Variants in EEIG1 observed in about 807,000 individuals in gnomAD.
The protein encoded by EEIG1 is estrogen-induced osteoclastogenesis regulator 1.
the EEIG1 span, chr9:127,945,760 G>A: frequency 1.9e-6 from 3 of 1,539,586 alleles, no homozygotes; most frequent in South Asian, 3.6e-5. The surrounding 1 kb of genome is among the most constrained non-coding windows in gnomAD (Gnocchi z 6.5). Flanking sequence ...AGCCCTGGAA[G>A]GCAGGAAGGG....
the EEIG1 span, among the ~76,000 whole-genome samples, chr9:127,960,795 T>C: frequency 8.5e-5 from 13 of 152,100 alleles, no homozygotes; most frequent in African/African-American, 3.1e-4. Context: ...AAAAGCCACC[T>C]GGAACCCTCC....
At chr9:127,945,621 AC>A in the EEIG1 span, 6 of 1,566,176 alleles carry the variant, frequency 3.8e-6, no homozygotes, top group Non-Finnish European at 5.2e-6. The surrounding 1 kb of genome is among the most constrained non-coding windows in gnomAD (Gnocchi z 6.5). Flanking sequence ...GGAGGAGGCC[AC>A]GGGGGCAGGG....
the EEIG1 span, chr9:127,943,894 TGA>T: frequency 6.5e-6 from 1 of 154,258 alleles, no homozygotes; most frequent in Non-Finnish European, 1.4e-5. Context: ...CAGAGCAGCT[TGA>T]GAGGGTAGCC....
chr9:127,943,562 T>TGA, the EEIG1 span: 3 of 359,108 alleles, frequency 8.4e-6, no homozygotes, highest in Admixed American at 8.5e-5. Context: ...GATGTGAGGG[T>TGA]GACCAAGAGG....
the EEIG1 span, chr9:127,948,234 G>T: frequency 6.2e-7 from 1 of 1,613,700 alleles, no homozygotes; most frequent in African/African-American, 1.3e-5. Flanking sequence ...GCCTTGGGAA[G>T]ACAGACAGGT....
At chr9:127,946,091 CAG>C in the EEIG1 span, among the ~76,000 whole-genome samples, 2 of 152,314 alleles carry the variant, frequency 1.3e-5, no homozygotes, top group South Asian at 2.1e-4. Flanking sequence ...AGTCTGGGGA[CAG>C]GGGAGGCTTC....
At chr9:127,948,115 G>A in the EEIG1 span, 1 of 1,613,448 alleles carries the variant, frequency 6.2e-7, no homozygotes, top group Non-Finnish European at 8.5e-7. Context: ...CCGGGACCCA[G>A]TCAGGGAGTT....
At chr9:127,945,825 A>G in the EEIG1 span, 1 of 1,047,298 alleles carries the variant, frequency 9.5e-7, no homozygotes. The surrounding 1 kb of genome is among the most constrained non-coding windows in gnomAD (Gnocchi z 6.5). Context: ...GCCCTTCACA[A>G]CGTGCCCTCA....
At chr9:127,969,602 G>C in the EEIG1 span, among the ~76,000 whole-genome samples, 1 of 152,038 alleles carries the variant, frequency 6.6e-6, no homozygotes, top group African/African-American at 2.4e-5. Flanking sequence ...TAGTTCTCTG[G>C]CAGCCTCAGG....
chr9:127,973,904 C>T, the EEIG1 span, among the ~76,000 whole-genome samples: 1 of 152,188 alleles, frequency 6.6e-6, no homozygotes, highest in Admixed American at 6.5e-5. This position sits in a 1 kb window ranked among gnomAD's most constrained non-coding sequence, Gnocchi z 4.2. Flanking sequence ...CTCAAGTGGG[C>T]AGCCCACGTC....
the EEIG1 span, among the ~76,000 whole-genome samples, chr9:127,958,188 C>A: frequency 6.6e-6 from 1 of 152,000 alleles, no homozygotes; most frequent in Non-Finnish European, 1.5e-5. Context: ...CTATCTCATG[C>A]TATATACAAA....
chr9:127,945,347 C>T, the EEIG1 span: 1 of 1,557,060 alleles, frequency 6.4e-7, no homozygotes, highest in South Asian at 1.2e-5. This position sits in a 1 kb window ranked among gnomAD's most constrained non-coding sequence, Gnocchi z 6.5. Flanking sequence ...CTCCAGGGGG[C>T]ACCAAGCAGT....
At chr9:127,958,441 G>A in the EEIG1 span, among the ~76,000 whole-genome samples, 51 of 152,194 alleles carry the variant, frequency 3.4e-4, 1 homozygote, top group African/African-American at 1.2e-3. Flanking sequence ...AAGGTGGGAG[G>A]ATCACTTGAG....
At chr9:127,948,496 T>C in the EEIG1 span, 6 of 1,442,566 alleles carry the variant, frequency 4.2e-6, no homozygotes, top group Admixed American at 8.5e-5. Context: ...CTTTCGGCTC[T>C]GGCCTCAGAA....
the EEIG1 span, among the ~76,000 whole-genome samples, chr9:127,965,106 CAAAAAAAAAAAAAAAAAAAAAAA>C: frequency 0.012 from 851 of 69,736 alleles, 16 homozygotes; most frequent in African/African-American, 0.045. Flanking sequence ...AAGACTGTCT[CAAAAAAAAAAAAAAAAAAAAAAA>C]AAAAAAAAAA....
At chr9:127,946,638 C>T in the EEIG1 span, among the ~76,000 whole-genome samples, 1 of 152,226 alleles carries the variant, frequency 6.6e-6, no homozygotes, top group Non-Finnish European at 1.5e-5. Flanking sequence ...TGGCCTAGTC[C>T]CCAGACACAT....
At chr9:127,960,654 A>G in the EEIG1 span, among the ~76,000 whole-genome samples, 1 of 152,154 alleles carries the variant, frequency 6.6e-6, no homozygotes, top group Non-Finnish European at 1.5e-5. Flanking sequence ...ACCCAGTGGA[A>G]TTGGGATTAG....
chr9:127,960,408 A>G, the EEIG1 span, among the ~76,000 whole-genome samples: 4,602 of 152,284 alleles, frequency 0.03, 196 homozygotes, highest in East Asian at 0.2. Context: ...TCTGATTCTG[A>G]CAGCGGCTCT....
the EEIG1 span, chr9:127,941,736 GGC>G: frequency 1.3e-5 from 2 of 152,302 alleles, no homozygotes; most frequent in South Asian, 4.1e-4. Flanking sequence ...CCCCCATCCC[GGC>G]CCCCCAGCTG....
Sources: allele counts gnomAD v4.1 joint callset (sites outside exome capture counted in the v4.1 genomes callset), GRCh38; gene constraint gnomAD v4.1.1; non-coding constraint Gnocchi (gnomAD v3.1); transcripts MANE v1.5; gene names NCBI Gene and HGNC (gene_info 2026-07-23, HGNC 2026-07-21).